The following PDE11A variants were observed in gnomAD, a reference collection of about 807,000 sequenced individuals.
PDE11A encodes dual 3',5'-cyclic-AMP and -GMP phosphodiesterase 11A.
PDE11A carries 100 observed loss-of-function variants against 100.5 expected under a neutral mutation model. That is an observed-to-expected ratio of 1.00 (90% confidence interval 0.85 to 1.18). The LOEUF (loss-of-function observed/expected upper bound fraction) is 1.18. PDE11A is among the 50% of genes most tolerant of loss of function. The pLI, the probability that PDE11A is intolerant of heterozygous loss-of-function variation, is 0.00. For synonymous variants in PDE11A, 381 were observed against 420.8 expected (o/e 0.91, Z 1.16); for missense variants, 1,141 against 1,152.6 (o/e 0.99, Z 0.15).
At chr2:177,833,475 A>G (rs2083342720) in intron 6 of PDE11A, among the ~76,000 whole-genome samples, 1 of 152,194 alleles carries the variant, frequency 6.6e-6, no homozygotes, top group African/African-American at 2.4e-5. Context: ...GCTCTCCCCA[A>G]GAGGATGCTA....
intron 2 of PDE11A, among the ~76,000 whole-genome samples, chr2:177,925,909 T>G (rs1198514476): frequency 6.6e-6 from 1 of 152,252 alleles, no homozygotes; most frequent in Non-Finnish European, 1.5e-5. Flanking sequence ...ACCTGAGTGT[T>G]GCAGAGGGGG....
intron 9 of PDE11A, among the ~76,000 whole-genome samples, chr2:177,795,407 G>T (rs866811777): frequency 6.6e-6 from 1 of 152,162 alleles, no homozygotes. Flanking sequence ...GCTCCTGTTT[G>T]CTTCCATTCC....
At chr2:178,058,258 T>C (rs2105863268) in intron 1 of PDE11A, among the ~76,000 whole-genome samples, 1 of 152,322 alleles carries the variant, frequency 6.6e-6, no homozygotes, top group Non-Finnish European at 1.5e-5. Context: ...TTTCATTATA[T>C]TCCTGATATG....
intron 5 of PDE11A, among the ~76,000 whole-genome samples, chr2:177,859,670 A>T (rs2083910915): frequency 2.6e-5 from 4 of 151,816 alleles, no homozygotes; most frequent in African/African-American, 9.7e-5. Flanking sequence ...ATATATATAT[A>T]TTTTAAGAGC....
intron 1 of PDE11A, among the ~76,000 whole-genome samples, chr2:178,033,390 T>C (rs1377841572): frequency 2.0e-5 from 3 of 152,100 alleles, no homozygotes; most frequent in Non-Finnish European, 2.9e-5. Flanking sequence ...CCAGGAAATA[T>C]GGGACTATGT....
At chr2:177,847,477 T>C (rs1037970774) in intron 5 of PDE11A, among the ~76,000 whole-genome samples, 2 of 152,184 alleles carry the variant, frequency 1.3e-5, no homozygotes, top group Admixed American at 6.5e-5. Flanking sequence ...GAAACACAAC[T>C]ACACCTTGAT....
chr2:177,717,410 A>G (rs2081455883), intron 12 of PDE11A, among the ~76,000 whole-genome samples: 1 of 152,108 alleles, frequency 6.6e-6, no homozygotes, highest in African/African-American at 2.4e-5. Context: ...CTTTCAAAAG[A>G]AAACAGAGAG....
intron 9 of PDE11A, among the ~76,000 whole-genome samples, chr2:177,772,727 A>T (rs1288124320): frequency 1.3e-5 from 2 of 151,456 alleles, no homozygotes; most frequent in Non-Finnish European, 2.9e-5. Context: ...AAAAAAAAAA[A>T]GCTATTTACT....
At chr2:177,873,338 A>ATT (rs2084174086) in intron 5 of PDE11A, among the ~76,000 whole-genome samples, 1 of 152,192 alleles carries the variant, frequency 6.6e-6, no homozygotes, top group African/African-American at 2.4e-5. Flanking sequence ...AGATTTTTCT[A>ATT]TCGTATTTCA....
chr2:177,727,583 T>C, intron 12 of PDE11A, 75 bp downstream of exon 12: 2 of 891,598 alleles, frequency 2.2e-6, no homozygotes, highest in Non-Finnish European at 3.8e-6. Flanking sequence ...TTCAGAGAAA[T>C]GGAAATGTAA....
chr2:177,805,719 C>A (rs2082859373), intron 9 of PDE11A, among the ~76,000 whole-genome samples: 1 of 151,816 alleles, frequency 6.6e-6, no homozygotes. Flanking sequence ...ATGAAATTAC[C>A]AAAATGCTAA....
chr2:177,713,670 GC>G (rs1248907605), intron 12 of PDE11A, among the ~76,000 whole-genome samples: 2 of 152,086 alleles, frequency 1.3e-5, no homozygotes, highest in African/African-American at 2.4e-5. Flanking sequence ...GTTGCAGTGA[GC>G]CTGTATGGCA....
intron 6 of PDE11A, among the ~76,000 whole-genome samples, chr2:177,828,524 T>C (rs914524187): frequency 5.9e-5 from 9 of 152,048 alleles, no homozygotes; most frequent in African/African-American, 2.2e-4. Context: ...GATGTTAAGA[T>C]GATAGGGAAA....
Position 177,625,022 on chromosome 2 carries a change from A to G in PDE11A, c.*4385T>C, listed in dbSNP as rs1245985932. 6.6e-6 allele frequency: 1 copy of G among 152,556 alleles called. No homozygotes were observed. Among genetic ancestry groups the G allele is most frequent in the African/African-American group, 2.4e-5 (1 of 41,434 alleles). The allele number at this position is 152,556 out of a possible 1,614,324, so 9.5% of individuals were successfully genotyped here. A position where few individuals can be genotyped will look rare whatever the true frequency, so the allele number is the denominator to read the frequency against. On this transcript the variant is annotated 3_prime_UTR_variant, in exon 20 of 20. Transcript: ENST00000286063. ...AGAGGTCAAGGCTGCAGTGGCTGTG[A>G]TTGTGCCACTGCCCTCCAGCCTGGG...
At chr2:177,838,466 T>G (rs1419607274) in intron 6 of PDE11A, among the ~76,000 whole-genome samples, 1 of 152,220 alleles carries the variant, frequency 6.6e-6, no homozygotes, top group Non-Finnish European at 1.5e-5. Flanking sequence ...GCTGTAATAC[T>G]TTTTAGTATT....
At chr2:177,710,970 C>T (rs1006612447) in intron 13 of PDE11A, among the ~76,000 whole-genome samples, 1 of 152,236 alleles carries the variant, frequency 6.6e-6, no homozygotes, top group African/African-American at 2.4e-5. Flanking sequence ...ACTTTTCTCT[C>T]CAGCCTCTGA....
chr2:177,764,097 T>TG (rs2082207525), intron 10 of PDE11A, among the ~76,000 whole-genome samples: 1 of 152,240 alleles, frequency 6.6e-6, no homozygotes, highest in South Asian at 2.1e-4. Context: ...CACATCCTAT[T>TG]GCTCAGTCTG....
chr2:177,902,978 T>A (rs1264394491), intron 3 of PDE11A, among the ~76,000 whole-genome samples: 1 of 152,242 alleles, frequency 6.6e-6, no homozygotes, highest in Non-Finnish European at 1.5e-5. Flanking sequence ...GTGAACTCTA[T>A]TAAAAGTAAG....
chr2:177,979,074 T>C (rs1463076347), intron 2 of PDE11A, among the ~76,000 whole-genome samples: 1 of 85,684 alleles, frequency 1.2e-5, no homozygotes, highest in African/African-American at 6.1e-5. Context: ...ACTTAGAGTA[T>C]AATAAAAAAA....
Sources: allele counts gnomAD v4.1 joint callset (sites outside exome capture counted in the v4.1 genomes callset), GRCh38; gene constraint gnomAD v4.1.1; transcripts MANE v1.5; gene names NCBI Gene and HGNC (gene_info 2026-07-23, HGNC 2026-07-21).